The following OR3A2 variants were observed in gnomAD, a reference collection of about 807,000 sequenced individuals.
OR3A2 encodes olfactory receptor family 3 subfamily A member 2, also known as olfactory receptor 3A2.
For synonymous variants in OR3A2, 126 were observed against 159.3 expected, an observed-to-expected ratio of 0.79 and a Z score of 1.57; for missense variants, 318 against 392.8, an observed-to-expected ratio of 0.81 and a Z score of 1.61.
At chr17:3,287,623 A>G (rs1254825161), upstream of OR3A2, among the ~76,000 whole-genome samples, 1 of 152,096 alleles carries the variant, frequency 6.6e-6, no homozygotes, top group Non-Finnish European at 1.5e-5. Flanking sequence ...TTCTTCATAT[A>G]TTAATTCTGG....
chr17:3,351,937 A>G (rs1242781103), intron 2 of OR3A2, among the ~76,000 whole-genome samples: 1 of 152,192 alleles, frequency 6.6e-6, no homozygotes, highest in African/African-American at 2.4e-5. Flanking sequence ...TGGGGAAAGG[A>G]TTCCCTACTT....
chr17:3,369,804 A>ATTT (rs2049596894), intron 2 of OR3A2, among the ~76,000 whole-genome samples: 1 of 75,826 alleles, frequency 1.3e-5, no homozygotes, highest in African/African-American at 6.5e-5. Flanking sequence ...TTAGATTGGT[A>ATTT]CTTTTTTTTT....
chr17:3,360,456 CA>C lies in OR3A2; in HGVS notation c.-179+23347del, dbSNP rs1020803972. On this transcript the variant is annotated intron_variant, in intron 2 of 4. Transcript: ENST00000573491. The stretch of plus-strand genomic sequence containing the variant: ...AGTTGTCAATTTTGGCTTTTGTTGC[CA>C]TTGCTTTTGGTGTTTTAGACATGAA... Among the ~76,000 whole-genome samples the C allele has an allele frequency of 2.5e-4, 38 of 151,782 alleles. 1 individual carries two copies. The highest frequency in any genetic ancestry group is 6.8e-3 in the Middle Eastern group (2 of 294).
At position 3,310,804 on chromosome 17, in the gene OR3A2, C is replaced by T. The variant is rs531978088; in HGVS notation, c.-85+25229G>A. On this transcript the variant is annotated intron_variant, in intron 3 of 4. Transcript: ENST00000573491. ...ACCAATGCACTGACCCAAACTGTTG[C>T]CCTGTCTCCTCTTAACTTCTGTGGC... is the stretch of plus-strand genomic sequence containing the variant. 1.9e-4 allele frequency: 140 copies of T among 720,750 alleles called. 1 individual carries two copies. Among genetic ancestry groups the T allele is most frequent in the South Asian group, 1.7e-3 (127 of 75,494 alleles). 44.6% of individuals were successfully genotyped at this position (720,750 alleles called of 1,614,324 possible).
At chr17:3,326,590 A>G (rs1832695665) in intron 3 of OR3A2, among the ~76,000 whole-genome samples, 1 of 150,156 alleles carries the variant, frequency 6.7e-6, no homozygotes, top group Non-Finnish European at 1.5e-5. Context: ...TTTAGGGTAC[A>G]TATGCACATT....
chr17:3,375,234 T>TTTTC lies in OR3A2; in HGVS notation c.-179+8569_-179+8570insGAAA, dbSNP rs1555530619. Among the ~76,000 whole-genome samples the TTTTC allele has an allele frequency of 3.6e-3, 276 of 76,066 alleles. 19 individuals carry two copies. Among genetic ancestry groups the TTTTC allele is most frequent in the African/African-American group, 0.02 (265 of 13,418 alleles). 49.9% of individuals were successfully genotyped at this position (76,066 alleles called of 152,430 possible). On this transcript the variant is annotated intron_variant, in intron 2 of 4. Coordinates refer to the OR3A2 transcript ENST00000573491. ...GATTTCTTCCTTTTTTTTTTTCTTT[T>TTTTC]TTTTTTTTTTTCCCCCCCTTTTTGA... is the stretch of plus-strand genomic sequence containing the variant.
rs79926830 is a variant in OR3A2, at chr17:3,369,728, G to C, written c.-179+14076C>G. On this transcript the variant is annotated intron_variant, in intron 2 of 4. Transcript: ENST00000573491. Reference sequence around the variant, plus strand: ...ATGTCCTTTCCTGATTTTAGTATTAGGGTAATCCTGGCTTCACAGAATGAT... The same window carrying C: ...ATGTCCTTTCCTGATTTTAGTATTACGGTAATCCTGGCTTCACAGAATGAT... Among the ~76,000 whole-genome samples, 1,249 of 151,530 alleles carry C rather than the reference G, an allele frequency of 8.2e-3. 18 individuals carry two copies. The highest frequency in any genetic ancestry group is 0.028 in the African/African-American group (1,166 of 41,284).
At chr17:3,323,107 C>G (rs1409190010) in intron 3 of OR3A2, among the ~76,000 whole-genome samples, 2 of 152,078 alleles carry the variant, frequency 1.3e-5, no homozygotes, top group African/African-American at 4.8e-5. Context: ...TTGAATTGAT[C>G]CCTTTACCGT....
At chr17:3,381,586 A>C (rs777495183) in intron 2 of OR3A2, among the ~76,000 whole-genome samples, 9 of 152,208 alleles carry the variant, frequency 5.9e-5, no homozygotes, top group Non-Finnish European at 1.3e-4. Flanking sequence ...ACATTTATGA[A>C]GCACCTACTA....
chr17:3,342,064 G>A (rs2049323547), intron 2 of OR3A2, among the ~76,000 whole-genome samples: 1 of 152,116 alleles, frequency 6.6e-6, no homozygotes, highest in Admixed American at 6.5e-5. Context: ...ATCGGCTACT[G>A]AAGCTTGTGC....
At chr17:3,277,692 CT>C in exon 2 of OR3A2, 3 of 355,998 alleles carry the variant, frequency 8.4e-6, no homozygotes. Flanking sequence ...TTTACTTTGT[CT>C]ACTTTTATAG....
At chr17:3,385,826 T>C in intron 1 of OR3A2, 1 of 398,158 alleles carries the variant, frequency 2.5e-6, no homozygotes, top group South Asian at 1.3e-4. Flanking sequence ...TATATTAAAA[T>C]GTATATCTGG....
chr17:3,280,416 C>A (rs147057595), intron 1 of OR3A2, among the ~76,000 whole-genome samples: 2 of 151,878 alleles, frequency 1.3e-5, no homozygotes, highest in African/African-American at 4.8e-5. Flanking sequence ...GGACTACAGG[C>A]GCCCACCACC....
intron 3 of OR3A2, among the ~76,000 whole-genome samples, chr17:3,318,721 C>CT (rs1186974559): frequency 6.6e-6 from 1 of 152,140 alleles, no homozygotes; most frequent in Non-Finnish European, 1.5e-5. Context: ...TATTAAGAAC[C>CT]ATAATTTGAT....
chr17:3,347,064 A>G (rs2170685), intron 2 of OR3A2, among the ~76,000 whole-genome samples: 1 of 152,106 alleles, frequency 6.6e-6, no homozygotes, highest in Non-Finnish European at 1.5e-5. Flanking sequence ...TAGCAGCGAG[A>G]CTGCTGGATC....
At chr17:3,278,579 C>G (rs754350767) in exon 2 of OR3A2, 4 of 1,608,052 alleles carry the variant, frequency 2.5e-6, no homozygotes, top group Non-Finnish European at 3.4e-6. Flanking sequence ...GGAAGCAGTC[C>G]ATCCCAGCCA....
intron 3 of OR3A2, among the ~76,000 whole-genome samples, chr17:3,323,846 T>C (rs1208429709): frequency 1.3e-5 from 2 of 152,066 alleles, no homozygotes; most frequent in Admixed American, 6.6e-5. Context: ...TTGGAGTTGC[T>C]CTTCTCGAGG....
In OR3A2 at chr17:3,331,788, G is replaced by A. The variant is rs560455661; in HGVS notation, c.-85+4245C>T. 4.6e-4 allele frequency among the ~76,000 whole-genome samples: 70 copies of A among 152,044 alleles called. No individual in the cohort carries two copies. In the South Asian group the frequency reaches 0.013, roughly 28 times the overall value. On this transcript the variant is annotated intron_variant, in intron 3 of 4. Transcript: ENST00000573491. ...TGCATTCCTTTGGAGGAGGAGAGGC[G>A]CTCTGCATTTTAGAGTTTCCAGTTT...
upstream of OR3A2, among the ~76,000 whole-genome samples, chr17:3,287,739 C>T (rs1019728832): frequency 6.6e-6 from 1 of 152,122 alleles, no homozygotes; most frequent in African/African-American, 2.4e-5. Flanking sequence ...CTTGGCGAGG[C>T]TTGAACTGCA....
Sources: gnomAD v4.1 joint callset for allele counts (sites outside exome capture counted in the v4.1 genomes callset) on GRCh38, gnomAD v4.1.1 for gene constraint, MANE v1.5 for transcripts, NCBI Gene and HGNC (gene_info 2026-07-23, HGNC 2026-07-21) for gene names.